The following CD99 variants were observed in gnomAD, a reference collection of about 807,000 sequenced individuals.
The protein encoded by CD99 is CD99 molecule (Xg blood group), also known as CD99 antigen.
CD99 carries 19 observed loss-of-function variants against 28.4 expected under a neutral mutation model. The ratio of observed to expected loss-of-function variants is 0.67; its 90% CI spans 0.47 to 0.98. The LOEUF is 0.98. CD99 is among the 50% of genes least tolerant of loss of function. The pLI is 0.00. For synonymous variants in CD99, 103 were observed against 92.1 expected, an observed-to-expected ratio of 1.12 and a Z score of -0.67; for missense variants, 283 against 248.8, an observed-to-expected ratio of 1.14 and a Z score of -0.92.
At chrX:2,723,583 G>C (rs2049114577) in intron 7 of CD99, 1 of 629,242 alleles carries the variant, frequency 1.6e-6, no homozygotes, top group Non-Finnish European at 2.9e-6. Flanking sequence ...CGGATTTTAT[G>C]TTTGGTCACC....
intron 8 of CD99, among the ~76,000 whole-genome samples, chrX:2,737,589 G>T (rs1036205821): frequency 2.0e-5 from 3 of 151,436 alleles, no homozygotes. Context: ...CCACCTCCTG[G>T]GTTCAAACGA....
At chrX:2,691,724 A>C (rs1403508666) in intron 1 of CD99, 1 of 712,932 alleles carries the variant, frequency 1.4e-6, no homozygotes, top group South Asian at 1.5e-5. Flanking sequence ...AATCTAGGGG[A>C]CCTTCTTACA....
chrX:2,698,467 C>T (rs1317594384), intron 1 of CD99, among the ~76,000 whole-genome samples: 3 of 151,994 alleles, frequency 2.0e-5, no homozygotes, highest in Non-Finnish European at 2.9e-5. Context: ...CCATGCTCAG[C>T]CTGCAATCAT....
Position 2,711,027 on chromosome X carries a change from C to T in CD99, c.68-3395C>T, listed in dbSNP as rs757043164. On this transcript the variant is annotated intron_variant, in intron 1 of 9. Coordinates refer to ENST00000381192, the MANE Select transcript of CD99 (RefSeq NM_002414.5). ...CTGGGATTACATGCGCATATCACCA[C>T]GCCTGGCCAATTTTTTTGTATTTAT... 5.3e-5 allele frequency among the ~76,000 whole-genome samples: 8 copies of T among 150,806 alleles called. No individual in the cohort carries two copies. The South Asian group carries it at 6.3e-4, about 12-fold the overall frequency.
intron 1 of CD99, among the ~76,000 whole-genome samples, chrX:2,697,028 A>G (rs767834163): frequency 1.3e-5 from 2 of 152,282 alleles, no homozygotes; most frequent in African/African-American, 4.8e-5. Context: ...CTGTGAAAGT[A>G]GCTTGCAGCC....
At chrX:2,723,398 C>T (rs371852645) in intron 7 of CD99, 34 bp downstream of exon 7, 181 of 1,610,896 alleles carry the variant, frequency 1.1e-4, no homozygotes, top group Non-Finnish European at 1.4e-4. Flanking sequence ...TCTTGTCTCT[C>T]CCACGTGGTG....
chrX:2,719,930 C>T (rs1462483905), intron 4 of CD99, among the ~76,000 whole-genome samples: 1 of 152,182 alleles, frequency 6.6e-6, no homozygotes, highest in Non-Finnish European at 1.5e-5. Flanking sequence ...TTTGGAAGGA[C>T]ATGAGACAAA....
At chrX:2,732,204 C>T (rs1333839214) in intron 8 of CD99, among the ~76,000 whole-genome samples, 4 of 152,202 alleles carry the variant, frequency 2.6e-5, no homozygotes, top group African/African-American at 4.8e-5. Context: ...CTCATGCACT[C>T]GGGGTCTGTG....
chrX:2,740,084 C>G (rs2050130360), intron 9 of CD99, among the ~76,000 whole-genome samples: 1 of 149,490 alleles, frequency 6.7e-6, no homozygotes, highest in South Asian at 2.1e-4. Flanking sequence ...AAGAGCAAAA[C>G]TCTGTCTCAA....
intron 8 of CD99, chrX:2,737,892 A>G (rs1309389255): frequency 5.3e-6 from 3 of 566,092 alleles, no homozygotes; most frequent in Non-Finnish European, 9.7e-6. Context: ...AAGAGCTTCC[A>G]TGTGCGTGTT....
chrX:2,713,084 A>G (rs1176404909), intron 1 of CD99, among the ~76,000 whole-genome samples: 1 of 151,550 alleles, frequency 6.6e-6, no homozygotes, highest in East Asian at 1.9e-4. Flanking sequence ...TGACACATGC[A>G]CACATGCACA....
At chrX:2,733,362 T>A in intron 8 of CD99, 1 of 1,590,974 alleles carries the variant, frequency 6.3e-7, no homozygotes, top group Non-Finnish European at 8.6e-7. Flanking sequence ...TTCAGATGGC[T>A]GAAGACCTAG....
chrX:2,723,717 G>T (rs760739755), intron 7 of CD99, among the ~76,000 whole-genome samples: 1 of 152,156 alleles, frequency 6.6e-6, no homozygotes, highest in Non-Finnish European at 1.5e-5. Context: ...CCTCGGTTGC[G>T]CTTGGCCCTT....
At chrX:2,720,277 A>G in intron 4 of CD99, 79 bp from the exon 5 acceptor site, 1 of 1,290,258 alleles carries the variant, frequency 7.8e-7, no homozygotes, top group South Asian at 1.2e-5. Flanking sequence ...TGTTCAGGGA[A>G]CCATCTGTGT....
intron 8 of CD99, among the ~76,000 whole-genome samples, chrX:2,733,072 T>C (rs311090): frequency 0.012 from 1,714 of 148,996 alleles, 28 homozygotes; most frequent in African/African-American, 0.04. Flanking sequence ...CTTTCTGCCT[T>C]CCTCCCTTCC....
At chrX:2,697,233 C>A (rs1223156888) in intron 1 of CD99, among the ~76,000 whole-genome samples, 1 of 152,054 alleles carries the variant, frequency 6.6e-6, no homozygotes, top group Non-Finnish European at 1.5e-5. Context: ...GGTTGCAAAC[C>A]CCTTTAATTC....
At chrX:2,732,484 C>G (rs952078217) in intron 8 of CD99, among the ~76,000 whole-genome samples, 1 of 151,472 alleles carries the variant, frequency 6.6e-6, no homozygotes, top group African/African-American at 2.4e-5. Context: ...TCCTTCCCTC[C>G]TCCTTTCTTT....
intron 7 of CD99, among the ~76,000 whole-genome samples, chrX:2,723,950 G>A (rs909555289): frequency 1.1e-4 from 16 of 142,654 alleles, no homozygotes; most frequent in African/African-American, 4.1e-4. Context: ...AAGTAGGGAG[G>A]AAGAAAAAAG....
At chrX:2,714,732 G>GATAAA in intron 2 of CD99, 1 of 334,180 alleles carries the variant, frequency 3.0e-6, no homozygotes. Context: ...GGCACGTGCT[G>GATAAA]TTGGAAAAAA....
Sources: allele counts gnomAD v4.1 joint callset (sites outside exome capture counted in the v4.1 genomes callset), GRCh38; gene constraint gnomAD v4.1.1; transcripts MANE v1.5; gene names NCBI Gene and HGNC (gene_info 2026-07-23, HGNC 2026-07-21).